MTMR3: variants seen among roughly 807,000 people sequenced by gnomAD.
MTMR3 encodes the protein phosphatidylinositol-3,5-bisphosphate 3-phosphatase MTMR3.
Under a neutral mutation model 132.4 loss-of-function variants are expected in MTMR3, and 32 were observed. The ratio of observed to expected loss-of-function variants is 0.24; its 90% CI spans 0.18 to 0.32. MTMR3 has a LOEUF of 0.32. Ranked by LOEUF, MTMR3 falls within the 10% of genes least tolerant of loss-of-function variation. The probability of loss-of-function intolerance (pLI) is 1.00; values close to 1 mark genes in which losing one functional copy is unlikely to be tolerated. For synonymous variants in MTMR3, 556 were observed against 550.3 expected, an observed-to-expected ratio of 1.01 and a Z score of -0.14; for missense variants, 1,216 against 1,489.6, an observed-to-expected ratio of 0.82 and a Z score of 3.02.
chr22:29,888,022 G>GT (rs1335488988), intron 1 of MTMR3, among the ~76,000 whole-genome samples: 271 of 142,950 alleles, frequency 1.9e-3, no homozygotes, highest in Middle Eastern at 3.6e-3. Flanking sequence ...GTTTTGTTTT[G>GT]TTTTTTTTTT....
intron 1 of MTMR3, among the ~76,000 whole-genome samples, chr22:29,951,312 A>G (rs1368456273): frequency 6.6e-6 from 1 of 152,200 alleles, no homozygotes; most frequent in Non-Finnish European, 1.5e-5. Context: ...TAAAGATATT[A>G]TATATGGCTG....
At chr22:29,940,011 TAA>T (rs901901442) in intron 1 of MTMR3, among the ~76,000 whole-genome samples, 4 of 152,220 alleles carry the variant, frequency 2.6e-5, no homozygotes, top group Admixed American at 6.5e-5. Context: ...TTTGCGCCTG[TAA>T]TCCCAGCACT....
intron 2 of MTMR3, among the ~76,000 whole-genome samples, chr22:29,967,192 GTTGTGTGT>G (rs747636375): frequency 1.6e-5 from 1 of 63,098 alleles, no homozygotes; most frequent in Non-Finnish European, 3.1e-5. Flanking sequence ...CTTCACCTCT[GTTGTGTGT>G]GTGTGTGTGT....
intron 1 of MTMR3, among the ~76,000 whole-genome samples, chr22:29,951,266 T>C (rs566835859): frequency 6.6e-6 from 1 of 152,302 alleles, no homozygotes; most frequent in Admixed American, 6.5e-5. Flanking sequence ...TTTTAGCAGA[T>C]TGTATGTGAT....
At chr22:29,894,971 G>C (rs1050237868) in intron 1 of MTMR3, among the ~76,000 whole-genome samples, 2 of 152,118 alleles carry the variant, frequency 1.3e-5, no homozygotes, top group African/African-American at 4.8e-5. Flanking sequence ...CCAGCACTTT[G>C]GGAGGCCAAG....
intron 1 of MTMR3, among the ~76,000 whole-genome samples, chr22:29,889,485 C>A (rs1234588652): frequency 6.6e-6 from 1 of 151,744 alleles, no homozygotes; most frequent in Non-Finnish European, 1.5e-5. Context: ...CAGGGTTTCA[C>A]CATGTTGGCC....
chr22:30,007,561 A>T (rs2145936472), intron 10 of MTMR3: 2 of 580,194 alleles, frequency 3.4e-6, no homozygotes, highest in Non-Finnish European at 6.1e-6. Context: ...ACAAAAATGG[A>T]GTGTTTATGT....
intron 1 of MTMR3, among the ~76,000 whole-genome samples, chr22:29,945,712 G>GAAAAAAAAA (rs1238843477): frequency 1.3e-5 from 1 of 78,110 alleles, no homozygotes; most frequent in African/African-American, 6.4e-5. Context: ...TCTTTAAAAT[G>GAAAAAAAAA]AAAAAGAAAA....
At chr22:29,952,354 G>C (rs527958500) in intron 1 of MTMR3, among the ~76,000 whole-genome samples, 1 of 151,704 alleles carries the variant, frequency 6.6e-6, no homozygotes, top group Admixed American at 6.6e-5. Flanking sequence ...AAAACTTCCA[G>C]ACCTTAATGT....
intron 1 of MTMR3, among the ~76,000 whole-genome samples, chr22:29,917,301 C>A (rs1312159169): frequency 1.3e-5 from 2 of 152,134 alleles, no homozygotes; most frequent in Non-Finnish European, 2.9e-5. Flanking sequence ...CTTCACCTCC[C>A]CTGATAACCC....
intron 1 of MTMR3, among the ~76,000 whole-genome samples, chr22:29,896,892 C>CACAG: frequency 6.6e-6 from 1 of 151,102 alleles, no homozygotes; most frequent in African/African-American, 2.4e-5. Context: ...CACACACACA[C>CACAG]ACACACACAC....
intron 2 of MTMR3, among the ~76,000 whole-genome samples, chr22:29,968,356 A>G (rs979046744): frequency 6.6e-5 from 10 of 152,214 alleles, no homozygotes; most frequent in Non-Finnish European, 8.8e-5. Flanking sequence ...GAATGTGTCA[A>G]TGATGCTATC....
intron 1 of MTMR3, among the ~76,000 whole-genome samples, chr22:29,952,535 G>A (rs2066104346): frequency 6.6e-6 from 1 of 152,050 alleles, no homozygotes; most frequent in African/African-American, 2.4e-5. Context: ...GTCACACTAG[G>A]AGCGTTGAGC....
intron 2 of MTMR3, among the ~76,000 whole-genome samples, chr22:29,967,239 G>A (rs1243434938): frequency 1.0e-4 from 14 of 136,508 alleles, no homozygotes; most frequent in Non-Finnish European, 1.5e-4. Flanking sequence ...GTGTGCATGC[G>A]CGCGCGCGCG....
At chr22:29,891,906 G>C (rs2064806814) in intron 1 of MTMR3, among the ~76,000 whole-genome samples, 1 of 151,832 alleles carries the variant, frequency 6.6e-6, no homozygotes, top group African/African-American at 2.4e-5. Flanking sequence ...TGTAATCCTA[G>C]CACTTTGGGA....
chr22:29,956,517 GA>G (rs1190680250), intron 1 of MTMR3, among the ~76,000 whole-genome samples: 1 of 152,172 alleles, frequency 6.6e-6, no homozygotes, highest in Non-Finnish European at 1.5e-5. Flanking sequence ...AAAGTGCTGG[GA>G]TTACAGGTGT....
rs141214676 is a variant in MTMR3 at position 29,893,201 on chromosome 22, C to T, written c.-138+9842C>T. Among the ~76,000 whole-genome samples, 680 of 152,218 alleles carry T rather than the reference C, an allele frequency of 4.5e-3. 6 individuals carry two copies. Among genetic ancestry groups the T allele is most frequent in the African/African-American group, 0.015 (642 of 41,552 alleles). ...TATATTTTCCGTAGTGAGATTGTTC[C>T]TTCATCTTATGTGCACAGAAAATAT... is the stretch of plus-strand genomic sequence containing the variant. On this transcript the variant is annotated intron_variant, in intron 1 of 19. Transcript: ENST00000401950.
intron 9 of MTMR3, chr22:30,004,366 T>C (rs1443356244): frequency 6.6e-6 from 1 of 152,220 alleles, no homozygotes; most frequent in Admixed American, 6.5e-5. Context: ...TTGCTGACTT[T>C]GACCAAAAGG....
chr22:29,992,451 C>T (rs1311072434), intron 7 of MTMR3: 1 of 152,178 alleles, frequency 6.6e-6, no homozygotes, highest in African/African-American at 2.4e-5. Context: ...CCCAGGCTTC[C>T]TGACTCCTCT....
Sources: allele counts gnomAD v4.1 joint callset (sites outside exome capture counted in the v4.1 genomes callset), GRCh38; gene constraint gnomAD v4.1.1; transcripts MANE v1.5; gene names NCBI Gene and HGNC (gene_info 2026-07-23, HGNC 2026-07-21).